CCDC81: variants seen among roughly 807,000 people sequenced by gnomAD.
CCDC81 encodes the protein coiled-coil domain-containing protein 81.
A neutral mutation model predicts 83.7 loss-of-function variants in CCDC81; 79 were observed. That is an observed-to-expected ratio of 0.94 (90% CI 0.79 to 1.14). The LOEUF (loss-of-function observed/expected upper bound fraction) is 1.14. Ranked by LOEUF, CCDC81 falls within the 50% of genes most tolerant of loss-of-function variation. CCDC81 has a pLI of 0.00. For synonymous variants in CCDC81, 252 were observed against 278.1 expected (o/e 0.91, Z 0.93); for missense variants, 791 against 778.1 (o/e 1.02, Z -0.20).
At chr11:86,422,540 A>T in intron 14 of CCDC81, 34 bp from the exon 15 acceptor site, 1 of 1,596,120 alleles carries the variant, frequency 6.3e-7, no homozygotes, top group Non-Finnish European at 8.6e-7. Flanking sequence ...AACTCCAGGA[A>T]CCTGCTGATC....
chr11:86,394,401 C>T (rs956387096), intron 4 of CCDC81, among the ~76,000 whole-genome samples: 1 of 152,192 alleles, frequency 6.6e-6, no homozygotes, highest in Non-Finnish European at 1.5e-5. Flanking sequence ...AGCACATCAG[C>T]ATGTTAAAGG....
chr11:86,409,651 A>G (rs1948611725), intron 10 of CCDC81, among the ~76,000 whole-genome samples: 1 of 152,112 alleles, frequency 6.6e-6, no homozygotes, highest in Admixed American at 6.5e-5. Context: ...GGGTTTCGCC[A>G]TGTTGGCCAG....
chr11:86,423,002 G>T lies in CCDC81; in HGVS notation c.*287G>T, dbSNP rs907601185. On this transcript the variant is annotated 3_prime_UTR_variant, in exon 15 of 15. Coordinates refer to ENST00000445632, the MANE Select transcript of CCDC81 (RefSeq NM_001156474.2). ...AATGGGATCCAGCTTCATTATGGCT[G>T]CTGGGGTGCTGCTGACCCAGCCCTG... 5 of 327,222 alleles carry T rather than the reference G, an allele frequency of 1.5e-5. No individual in the cohort carries two copies. Among genetic ancestry groups the T allele is most frequent in the African/African-American group, 1.1e-4 (5 of 47,306 alleles). 20.3% of individuals were successfully genotyped at this position (327,222 alleles called of 1,614,324 possible). A position where few individuals can be genotyped will look rare whatever the true frequency, so the allele number is the denominator to read the frequency against.
At chr11:86,387,070 G>A (rs1263787258) in intron 2 of CCDC81, among the ~76,000 whole-genome samples, 1 of 152,228 alleles carries the variant, frequency 6.6e-6, no homozygotes, top group Non-Finnish European at 1.5e-5. Context: ...CTACATTGCA[G>A]CATATGATTT....
chr11:86,398,708 G>A (rs1948442315), intron 6 of CCDC81, among the ~76,000 whole-genome samples: 1 of 152,066 alleles, frequency 6.6e-6, no homozygotes, highest in South Asian at 2.1e-4. Context: ...AAGTAGCTGG[G>A]ACTACAGGCG....
Position 86,399,553 on chromosome 11 carries a change from C to T in CCDC81, c.758-1125C>T, listed in dbSNP as rs888535848. Among the ~76,000 whole-genome samples the T allele has an allele frequency of 8.5e-5, 13 of 152,112 alleles. No homozygotes were observed. In the South Asian group the frequency reaches 1.0e-3, roughly 12 times the overall value. On this transcript the variant is annotated intron_variant, in intron 6 of 14. Coordinates refer to ENST00000445632, the MANE Select transcript of CCDC81 (RefSeq NM_001156474.2). ...CTGGTTTTGAACTCCTGAGCTCAAACGATCTGCCCACCTCGGCCTCCCAAA... is the reference window on the plus strand; with the variant it reads ...CTGGTTTTGAACTCCTGAGCTCAAATGATCTGCCCACCTCGGCCTCCCAAA...
chr11:86,378,135 T>A (rs545467351), intron 1 of CCDC81, among the ~76,000 whole-genome samples: 65 of 152,264 alleles, frequency 4.3e-4, no homozygotes, highest in African/African-American at 1.5e-3. Context: ...TTTTAATCTA[T>A]TTGTCTGTTC....
chr11:86,394,249 G>C (rs1217516376), intron 4 of CCDC81, among the ~76,000 whole-genome samples: 2 of 152,216 alleles, frequency 1.3e-5, no homozygotes, highest in African/African-American at 4.8e-5. Flanking sequence ...TCCTTGACCT[G>C]CTGAACTGTA....
chr11:86,412,022 A>G (rs191149808), intron 10 of CCDC81, among the ~76,000 whole-genome samples: 1 of 152,300 alleles, frequency 6.6e-6, no homozygotes, highest in African/African-American at 2.4e-5. Context: ...CTTCCCTGCT[A>G]TATAAACCCC....
Position 86,421,897 on chromosome 11 carries a change from G to A in CCDC81, c.1818-677G>A, listed in dbSNP as rs534743912. On this transcript the variant is annotated intron_variant, in intron 14 of 14. Coordinates refer to ENST00000445632, the MANE Select transcript of CCDC81 (RefSeq NM_001156474.2). ...CGCACACTCCAGGCTGGTGACAGAGGGAGACCTAGTCTCAAAAAAAAAAAA... is the reference window on the plus strand; with the variant it reads ...CGCACACTCCAGGCTGGTGACAGAGAGAGACCTAGTCTCAAAAAAAAAAAA... 2.5e-4 allele frequency among the ~76,000 whole-genome samples: 37 copies of A among 149,362 alleles called. No homozygotes were observed. In the South Asian group the frequency reaches 7.8e-3, roughly 32 times the overall value.
intron 1 of CCDC81, among the ~76,000 whole-genome samples, chr11:86,377,594 G>GAT (rs1475320067): frequency 2.0e-5 from 3 of 152,176 alleles, no homozygotes; most frequent in East Asian, 3.9e-4. Context: ...TTTTTGATGA[G>GAT]ATATATATAA....
At chr11:86,389,762 T>C (rs1386932087) in intron 3 of CCDC81, among the ~76,000 whole-genome samples, 1 of 152,198 alleles carries the variant, frequency 6.6e-6, no homozygotes, top group Non-Finnish European at 1.5e-5. Flanking sequence ...ATAGTGGTTT[T>C]TAAATATTAG....
At chr11:86,407,478 T>C (rs1010541049) in intron 7 of CCDC81, 136 bp from the exon 8 acceptor site, 2 of 599,658 alleles carry the variant, frequency 3.3e-6, no homozygotes, top group Admixed American at 2.9e-5. Flanking sequence ...TACATATTCT[T>C]AACCTCTATA....
At position 86,422,771 on chromosome 11, in the gene CCDC81, G is replaced by T. The variant is rs886288687; in HGVS notation, c.*56G>T. The T allele has an allele frequency of 6.5e-7, 1 of 1,538,282 alleles. No homozygotes were observed. Among genetic ancestry groups the T allele is most frequent in the Non-Finnish European group, 8.9e-7 (1 of 1,127,894 alleles). ...GAAAGTTTTTATCTTTTACATGTTT[G>T]GGGGTGATTGTGAAACTGCGTATTT... On this transcript the variant is annotated 3_prime_UTR_variant, in exon 15 of 15. Transcript: ENST00000445632.
chr11:86,407,815 C>G, intron 8 of CCDC81, 114 bp downstream of exon 8: 3 of 786,062 alleles, frequency 3.8e-6, no homozygotes, highest in Non-Finnish European at 4.2e-6. Context: ...CTCAAGTACT[C>G]AAGTACTCAG....
chr11:86,381,709 A>G (rs576522755), intron 1 of CCDC81, among the ~76,000 whole-genome samples: 19 of 152,098 alleles, frequency 1.2e-4, no homozygotes, highest in African/African-American at 4.3e-4. Context: ...AGAGTTGTTG[A>G]TTTTTCTGTC....
chr11:86,383,944 A>G (rs1009378951), intron 1 of CCDC81, among the ~76,000 whole-genome samples: 1 of 152,232 alleles, frequency 6.6e-6, no homozygotes, highest in African/African-American at 2.4e-5. Context: ...AAAACAGTAC[A>G]GTGGGCTTGA....
rs780252905 is a variant in CCDC81 at position 86,408,142 on chromosome 11, T to C, written c.985T>C (p.Cys329Arg). ...NKAGQEMCYV[C>R]LQRAQRNSLL... ...GGGATTGTAGGAAATGTGCTATGTA[T>C]GTTTGCAACGAGCACAACGAAATTC... is the stretch of plus-strand genomic sequence containing the variant. The change falls in exon 9 of 15, where the codon TGT (cysteine) becomes CGT (arginine). Residue 329 changes from cysteine to arginine, a missense_variant. Physicochemically the swap from Cys to Arg is radical, Grantham distance 180. Transcript: ENST00000445632. 4 of 1,612,482 alleles carry C rather than the reference T, an allele frequency of 2.5e-6. No individual in the cohort carries two copies. Among genetic ancestry groups the C allele is most frequent in the Non-Finnish European group, 3.4e-6 (4 of 1,179,682 alleles).
intron 9 of CCDC81, among the ~76,000 whole-genome samples, chr11:86,408,471 C>G (rs1484615104): frequency 6.6e-6 from 1 of 152,108 alleles, no homozygotes; most frequent in African/African-American, 2.4e-5. Context: ...TTAGCTGGGA[C>G]TACAGGCACA....
Sources: gnomAD v4.1 joint callset for allele counts (sites outside exome capture counted in the v4.1 genomes callset) on GRCh38, gnomAD v4.1.1 for gene constraint, MANE v1.5 for transcripts, NCBI Gene and HGNC (gene_info 2026-07-23, HGNC 2026-07-21) for gene names.